Variants in WRN observed in about 807,000 individuals in gnomAD.
WRN encodes bifunctional 3'-5' exonuclease/ATP-dependent helicase WRN.
In WRN, 149 loss-of-function variants were observed where a neutral mutation model predicts 180.7. That is an observed-to-expected ratio of 0.82 (90% CI 0.72 to 0.94). The LOEUF (loss-of-function observed/expected upper bound fraction) is 0.94, where lower values mean the gene tolerates loss of function less well. WRN is among the 40% of genes least tolerant of loss of function. WRN has a pLI of 0.00. For missense variants in WRN, 1,661 were observed against 1,700.1 expected (o/e 0.98, Z 0.40); for synonymous variants, 548 against 568.9 (o/e 0.96, Z 0.52).
intron 3 of WRN, 115 bp from the exon 4 acceptor site, chr8:31,064,174 C>A: frequency 8.7e-7 from 1 of 1,145,692 alleles, no homozygotes; most frequent in Non-Finnish European, 1.3e-6. Context: ...GTTGTATGTG[C>A]TCCAGATAAC....
intron 32 of WRN, among the ~76,000 whole-genome samples, chr8:31,155,319 C>T (rs1255954509): frequency 6.6e-6 from 1 of 152,100 alleles, no homozygotes; most frequent in Admixed American, 6.6e-5. Flanking sequence ...AATCTAATTG[C>T]TGTAACAAAT....
chr8:31,086,756 C>T (rs2130149102), intron 11 of WRN, among the ~76,000 whole-genome samples: 1 of 152,238 alleles, frequency 6.6e-6, no homozygotes, highest in African/African-American at 2.4e-5. Context: ...TAGAGCCTGA[C>T]ATTTAGTAAG....
intron 10 of WRN, 51 bp from the exon 11 acceptor site, chr8:31,085,115 G>T (rs1481842002): frequency 6.3e-7 from 1 of 1,583,976 alleles, no homozygotes; most frequent in Non-Finnish European, 8.6e-7. Context: ...CAGAAAAGAG[G>T]ATATGAAGTC....
intron 33 of WRN, among the ~76,000 whole-genome samples, chr8:31,162,243 C>T (rs948500489): frequency 1.3e-5 from 2 of 152,084 alleles, no homozygotes; most frequent in African/African-American, 4.8e-5. Context: ...TCTTTATATC[C>T]TTCTTCTCTA....
chr8:31,056,962 GC>G (rs751876676), intron 1 of WRN, among the ~76,000 whole-genome samples: 28 of 152,074 alleles, frequency 1.8e-4, no homozygotes, highest in Admixed American at 5.2e-4. Context: ...TGGAGATCTT[GC>G]AGTCTCTCTC....
chr8:31,036,951 T>G (rs1811472116), intron 1 of WRN, among the ~76,000 whole-genome samples: 1 of 152,210 alleles, frequency 6.6e-6, no homozygotes, highest in Admixed American at 6.5e-5. Flanking sequence ...CCCCAACCTT[T>G]TTGGTACCAA....
At chr8:31,122,005 A>G (rs1435265511) in intron 21 of WRN, among the ~76,000 whole-genome samples, 2 of 151,990 alleles carry the variant, frequency 1.3e-5, no homozygotes, top group Non-Finnish European at 2.9e-5. Context: ...TGTTAAAGGT[A>G]CTGAGGACAT....
chr8:31,160,216 A>G (rs73670477), intron 33 of WRN, among the ~76,000 whole-genome samples: 5,865 of 152,228 alleles, frequency 0.039, 373 homozygotes, highest in African/African-American at 0.13. Flanking sequence ...GCAGATCTGT[A>G]TGTAAGGAAT....
At chr8:31,167,818 A>G (rs1803958137) in intron 34 of WRN, among the ~76,000 whole-genome samples, 1 of 152,150 alleles carries the variant, frequency 6.6e-6, no homozygotes, top group Non-Finnish European at 1.5e-5. Flanking sequence ...AATAGCAATC[A>G]GATATATTGT....
intron 27 of WRN, among the ~76,000 whole-genome samples, 197 bp downstream of exon 27, chr8:31,142,898 G>A (rs1563377511): frequency 2.0e-5 from 3 of 152,040 alleles, no homozygotes; most frequent in Admixed American, 6.6e-5. Flanking sequence ...AGAATTGGAG[G>A]TATTTGAGAA....
intron 20 of WRN, 74 bp downstream of exon 20, chr8:31,116,602 G>C: frequency 6.3e-7 from 1 of 1,577,424 alleles, no homozygotes; most frequent in Non-Finnish European, 8.7e-7. Context: ...TTATTTACCA[G>C]ATCTTTATTG....
At chr8:31,046,135 C>A (rs1811852604) in intron 1 of WRN, among the ~76,000 whole-genome samples, 1 of 151,902 alleles carries the variant, frequency 6.6e-6, no homozygotes. Flanking sequence ...TTGATTCTGT[C>A]TTATATATAA....
At chr8:31,058,835 C>T (rs748351898) in intron 2 of WRN, among the ~76,000 whole-genome samples, 7 of 152,018 alleles carry the variant, frequency 4.6e-5, no homozygotes, top group East Asian at 1.9e-4. Flanking sequence ...GTTTGCCAGC[C>T]GGTCTTCAGC....
In WRN at chr8:31,167,238, T is replaced by TTA; in HGVS notation, c.4191+15_4191+16dup. 6.2e-7 allele frequency: 1 copy of TTA among 1,605,844 alleles called. No homozygotes were observed. Among genetic ancestry groups the TTA allele is most frequent in the Non-Finnish European group, 8.5e-7 (1 of 1,174,384 alleles). On this transcript the variant is annotated intron_variant, in intron 34 of 34. Transcript: ENST00000298139. ...GTAGGCATCAATACTGAGGTATTAATTATATATAGAATTTTCATAAAGTGT... is the reference window on the plus strand; with the variant it reads ...GTAGGCATCAATACTGAGGTATTAATTATATATATAGAATTTTCATAAAGTGT...
chr8:31,113,778 G>A (rs1307773384), intron 19 of WRN, among the ~76,000 whole-genome samples: 1 of 152,016 alleles, frequency 6.6e-6, no homozygotes, highest in African/African-American at 2.4e-5. Context: ...TCTGCTAATT[G>A]AGGTCTTTGT....
intron 34 of WRN, among the ~76,000 whole-genome samples, chr8:31,169,628 G>A (rs538897131): frequency 1.3e-5 from 2 of 152,150 alleles, no homozygotes; most frequent in Non-Finnish European, 2.9e-5. Context: ...TAGTTTTCCT[G>A]TACTTTCAAA....
chr8:31,101,084 AT>A, intron 18 of WRN, 129 bp downstream of exon 18: 5 of 783,880 alleles, frequency 6.4e-6, no homozygotes, highest in Non-Finnish European at 6.4e-6. Flanking sequence ...AAAGAGAACT[AT>A]TTTTTTAAAA....
intron 13 of WRN, among the ~76,000 whole-genome samples, chr8:31,089,987 T>C (rs1409846817): frequency 6.6e-6 from 1 of 151,924 alleles, no homozygotes; most frequent in Non-Finnish European, 1.5e-5. Context: ...CTTAACAGTT[T>C]TTTCTTTGGT....
intron 24 of WRN, among the ~76,000 whole-genome samples, chr8:31,136,757 A>C (rs1039591159): frequency 3.9e-5 from 6 of 152,110 alleles, no homozygotes; most frequent in Admixed American, 3.9e-4. Flanking sequence ...GGATCGATTG[A>C]ATCTAGGAAT....
Sources: allele counts gnomAD v4.1 joint callset (sites outside exome capture counted in the v4.1 genomes callset), GRCh38; gene constraint gnomAD v4.1.1; transcripts MANE v1.5; gene names NCBI Gene and HGNC (gene_info 2026-07-23, HGNC 2026-07-21).